The following MIB1 variants were observed in gnomAD, a reference collection of about 807,000 sequenced individuals.
MIB1 encodes MIB E3 ubiquitin protein ligase 1.
In MIB1, 278 loss-of-function variants were observed where a neutral mutation model predicts 124.5. The ratio of observed to expected loss-of-function variants is 2.23; its 90% CI spans 2.02 to 2.47. The LOEUF (loss-of-function observed/expected upper bound fraction) is 2.47. Among genes scored for constraint, MIB1 ranks in the 30% most tolerant of loss-of-function variants. MIB1 has a pLI of 0.00. For synonymous variants in MIB1, 446 were observed against 429.4 expected, an observed-to-expected ratio of 1.04 and a Z score of -0.48; for missense variants, 957 against 1,254.4, an observed-to-expected ratio of 0.76 and a Z score of 3.58.
chr18:21,779,288 CTGTT>C (rs972474970), intron 5 of MIB1, among the ~76,000 whole-genome samples, 189 bp from the exon 6 acceptor site: 5 of 152,086 alleles, frequency 3.3e-5, no homozygotes, highest in Admixed American at 6.5e-5. Context: ...ATTTTTGAGT[CTGTT>C]TGGCTTTTTT....
At chr18:21,810,714 A>G (rs1426451565) in intron 10 of MIB1, among the ~76,000 whole-genome samples, 1 of 151,838 alleles carries the variant, frequency 6.6e-6, no homozygotes, top group Non-Finnish European at 1.5e-5. Flanking sequence ...CTTACCTAAC[A>G]CTATATACAA....
chr18:21,707,697 G>A (rs761375005), intron 1 of MIB1, among the ~76,000 whole-genome samples: 4 of 152,090 alleles, frequency 2.6e-5, no homozygotes, highest in Non-Finnish European at 5.9e-5. Flanking sequence ...GATGGTCCGC[G>A]GCTTCATTCT....
chr18:21,850,116 C>T (rs778946267), intron 17 of MIB1, among the ~76,000 whole-genome samples: 7 of 152,060 alleles, frequency 4.6e-5, no homozygotes, highest in Non-Finnish European at 8.8e-5. Context: ...ACTCCTTTTG[C>T]TTTTTGAGAA....
intron 1 of MIB1, among the ~76,000 whole-genome samples, chr18:21,722,244 T>C (rs1267049466): frequency 6.6e-6 from 1 of 151,664 alleles, no homozygotes; most frequent in Non-Finnish European, 1.5e-5. Flanking sequence ...TTAGTAGAGA[T>C]AGCGTTTCAC....
intron 20 of MIB1, among the ~76,000 whole-genome samples, chr18:21,861,283 AATAC>A (rs1256535711): frequency 6.6e-6 from 1 of 152,030 alleles, no homozygotes; most frequent in Non-Finnish European, 1.5e-5. Context: ...CATCTAATAT[AATAC>A]ATCTAATATA....
chr18:21,833,929 G>A (rs961964038), intron 12 of MIB1, among the ~76,000 whole-genome samples: 2 of 152,138 alleles, frequency 1.3e-5, no homozygotes, highest in Non-Finnish European at 2.9e-5. Flanking sequence ...ACCAAATTGA[G>A]CATTAGGGAA....
chr18:21,812,092 A>G (rs964777076), intron 10 of MIB1, among the ~76,000 whole-genome samples: 1 of 152,192 alleles, frequency 6.6e-6, no homozygotes, highest in Non-Finnish European at 1.5e-5. Context: ...GAGAAATGGT[A>G]TAATAAATTT....
intron 2 of MIB1, among the ~76,000 whole-genome samples, chr18:21,767,735 G>C (rs943922441): frequency 6.6e-6 from 1 of 152,018 alleles, no homozygotes; most frequent in Non-Finnish European, 1.5e-5. Context: ...TTTTAGTAGA[G>C]ACAGGGTTTC....
In MIB1 at chr18:21,778,109, C is replaced by A; in HGVS notation, c.643C>A (p.Leu215Met). The change falls in exon 5 of 21, where the codon CTG becomes ATG. Residue 215 changes from leucine to methionine, a missense_variant. Leu to Met is a conservative substitution (Grantham distance 15). Coordinates refer to ENST00000261537, the MANE Select transcript of MIB1 (RefSeq NM_020774.4). ...YRVGFEGMSD[L>M]KCVQDAKGGS... ...TGGTTTCTTTTCTTCTTAGTCTGAT[C>A]TGAAATGTGTCCAGGATGCCAAGGG... is the stretch of plus-strand genomic sequence containing the variant. 1 of 1,611,342 alleles carries A rather than the reference C, an allele frequency of 6.2e-7. No homozygotes were observed. Among genetic ancestry groups the A allele is most frequent in the Non-Finnish European group, 8.5e-7 (1 of 1,177,892 alleles).
At position 21,731,521 on chromosome 18, in the gene MIB1, C is replaced by T. The variant is rs529132761; in HGVS notation, n.167+26398C>T. Among the ~76,000 whole-genome samples the T allele has an allele frequency of 2.0e-5, 3 of 151,652 alleles. No homozygotes were observed. In the East Asian group the frequency reaches 5.9e-4, roughly 30 times the overall value. On this transcript the variant is annotated intron_variant and non_coding_transcript_variant, in intron 1 of 20. Coordinates refer to the MIB1 transcript ENST00000578646. ...AGCCGAGGCGGGTGGATCACGAGGT[C>T]AGGAGATCGAGACCATCTTGGCTAA...
chr18:21,778,712 C>T (rs1008850003), intron 5 of MIB1, among the ~76,000 whole-genome samples: 2 of 152,138 alleles, frequency 1.3e-5, no homozygotes, highest in African/African-American at 4.8e-5. Flanking sequence ...TTTTCTTTCT[C>T]ATGTGAACTG....
At chr18:21,784,805 G>A (rs1014687547) in intron 6 of MIB1, among the ~76,000 whole-genome samples, 1 of 152,044 alleles carries the variant, frequency 6.6e-6, no homozygotes, top group African/African-American at 2.4e-5. Context: ...TTAGCAGACC[G>A]GGAAAGGGAG....
chr18:21,750,077 T>A (rs2040957199), intron 1 of MIB1, among the ~76,000 whole-genome samples: 1 of 152,198 alleles, frequency 6.6e-6, no homozygotes, highest in Admixed American at 6.5e-5. Flanking sequence ...AAAATTAGGT[T>A]TTTTTTGCAT....
chr18:21,716,257 C>G (rs1470985907), intron 1 of MIB1, among the ~76,000 whole-genome samples: 1 of 152,098 alleles, frequency 6.6e-6, no homozygotes, highest in African/African-American at 2.4e-5. Flanking sequence ...TTGTATCCAG[C>G]AAAACTAAGC....
intron 10 of MIB1, among the ~76,000 whole-genome samples, chr18:21,815,058 A>G (rs11274333): frequency 1.2e-5 from 1 of 85,026 alleles, no homozygotes; most frequent in Non-Finnish European, 2.3e-5. Context: ...TATATATATA[A>G]AATTATATAT....
At chr18:21,714,216 C>A (rs1450551442) in intron 1 of MIB1, among the ~76,000 whole-genome samples, 1 of 152,182 alleles carries the variant, frequency 6.6e-6, no homozygotes, top group Non-Finnish European at 1.5e-5. Context: ...TCCTCCTCCT[C>A]CCTGCCTACG....
chr18:21,729,055 T>C (rs915998077), intron 1 of MIB1, among the ~76,000 whole-genome samples: 1 of 152,206 alleles, frequency 6.6e-6, no homozygotes, highest in Non-Finnish European at 1.5e-5. Flanking sequence ...CCCCCAATCA[T>C]TTCAACTGCA....
At chr18:21,794,037 G>A (rs140087297) in intron 7 of MIB1, 27 of 152,214 alleles carry the variant, frequency 1.8e-4, no homozygotes, top group Non-Finnish European at 2.9e-4. Context: ...TGCCTGTGGC[G>A]TGGGGAACTG....
rs776106763 is a variant in MIB1 at position 21,791,539 on chromosome 18, G to C, written c.1074G>C (p.Trp358Cys). 1 of 1,612,618 alleles carries C rather than the reference G, an allele frequency of 6.2e-7. No homozygotes were observed. Among genetic ancestry groups the C allele is most frequent in the Non-Finnish European group, 8.5e-7 (1 of 1,179,170 alleles). ...IKLLQRGHGE[W>C]AEAMLPTLGK... is the part of the protein sequence containing the mutation. ...TTCTACAAAGAGGACATGGAGAATG[G>C]GCTGAAGCGATGCTTCCAGTAAGTA... Residue 358 changes from tryptophan (W) to cysteine (C), a missense_variant, in exon 7 of 21, where the codon TGG becomes TGC. Transcript: ENST00000261537.
Sources: gnomAD v4.1 joint callset for allele counts (sites outside exome capture counted in the v4.1 genomes callset) on GRCh38, gnomAD v4.1.1 for gene constraint, MANE v1.5 for transcripts, NCBI Gene and HGNC (gene_info 2026-07-23, HGNC 2026-07-21) for gene names.